FAM161A: variants seen among roughly 807,000 people sequenced by gnomAD.
FAM161A encodes the protein FAM161 centrosomal protein A.
Under a neutral mutation model 70.9 loss-of-function variants are expected in FAM161A, and 57 were observed. The ratio of observed to expected loss-of-function variants is 0.80; its 90% confidence interval spans 0.65 to 1.00. The LOEUF (loss-of-function observed/expected upper bound fraction) is 1.00. FAM161A is among the 50% of genes least tolerant of loss of function. FAM161A has a pLI of 0.00. For missense variants in FAM161A, 880 were observed against 836.0 expected, an observed-to-expected ratio of 1.05 and a Z score of -0.65; for synonymous variants, 299 against 295.7, an observed-to-expected ratio of 1.01 and a Z score of -0.12.
the FAM161A span, among the ~76,000 whole-genome samples, chr2:61,800,847 G>A: frequency 6.6e-6 from 1 of 152,064 alleles, no homozygotes; most frequent in Admixed American, 6.5e-5. Flanking sequence ...TCTGTCACCA[G>A]GATGGGAGTG....
At chr2:61,838,236 T>A (rs564904085) in intron 4 of FAM161A, among the ~76,000 whole-genome samples, 2 of 152,166 alleles carry the variant, frequency 1.3e-5, no homozygotes, top group African/African-American at 4.8e-5. Flanking sequence ...CAATCAAAAA[T>A]AATATAAAGA....
At chr2:61,827,023 T>C in intron 6 of FAM161A, 81 bp downstream of exon 6, 2 of 1,346,920 alleles carry the variant, frequency 1.5e-6, no homozygotes, top group Non-Finnish European at 1.0e-6. Flanking sequence ...GAACAAAAAA[T>C]ATACATAGTA....
the FAM161A span, among the ~76,000 whole-genome samples, chr2:61,804,208 T>A: frequency 3.3e-5 from 5 of 152,194 alleles, no homozygotes; most frequent in Non-Finnish European, 5.9e-5. Context: ...CAGAGGTTAC[T>A]CTCGTGGCCA....
intron 4 of FAM161A, 184 bp from the exon 5 acceptor site, chr2:61,836,293 C>T (rs375299318): frequency 6.2e-5 from 35 of 567,510 alleles, no homozygotes; most frequent in Middle Eastern, 4.9e-4. Flanking sequence ...TCTTCTATAC[C>T]GGTTAATTCT....
chr2:61,822,756 C>A (rs1672229760), downstream of FAM161A, among the ~76,000 whole-genome samples: 1 of 151,806 alleles, frequency 6.6e-6, no homozygotes, highest in Non-Finnish European at 1.5e-5. Flanking sequence ...TTGGCTAATT[C>A]TTTTTGTATT....
chr2:61,806,783 C>A, the FAM161A span, among the ~76,000 whole-genome samples: 2 of 148,916 alleles, frequency 1.3e-5, no homozygotes, highest in Non-Finnish European at 3.0e-5. Context: ...AGCTCCGCCT[C>A]CGGGGTTCAC....
the FAM161A span, among the ~76,000 whole-genome samples, chr2:61,809,607 G>C: frequency 2.0e-5 from 3 of 152,294 alleles, no homozygotes; most frequent in East Asian, 5.8e-4. Flanking sequence ...GGAATTTGGG[G>C]GTTGGGGGAG....
the FAM161A span, among the ~76,000 whole-genome samples, chr2:61,802,577 G>C: frequency 6.6e-6 from 1 of 152,122 alleles, no homozygotes; most frequent in African/African-American, 2.4e-5. Flanking sequence ...AAAAGAAATA[G>C]AAGTAAGTGG....
At position 61,826,201 on chromosome 2, in the gene FAM161A, C is replaced by G. The variant is rs952754899; in HGVS notation, c.*254G>C. On this transcript the variant is annotated 3_prime_UTR_variant, in exon 7 of 7. Transcript: ENST00000404929. ...CAGTTTGTGACAGCTGTGGTTCTCACTTTTTAAAAATACAAAATCATAGTT... is the reference window on the plus strand; with the variant it reads ...CAGTTTGTGACAGCTGTGGTTCTCAGTTTTTAAAAATACAAAATCATAGTT... The G allele has an allele frequency of 1.6e-6, 1 of 615,190 alleles. No individual in the cohort carries two copies. The highest frequency in any genetic ancestry group is 3.4e-5 in the East Asian group (1 of 29,354). 38.1% of individuals were successfully genotyped at this position (615,190 alleles called of 1,614,324 possible).
At chr2:61,842,496 T>A (rs980087382) in intron 1 of FAM161A, 136 bp from the exon 2 acceptor site, 2 of 620,142 alleles carry the variant, frequency 3.2e-6, no homozygotes, top group Non-Finnish European at 5.7e-6. Context: ...GCATATAGAA[T>A]GAGTTATAGG....
Position 61,824,969 on chromosome 2 carries a change from TATA to T in FAM161A, c.*1483_*1485del. 2 of 453,216 alleles carry T rather than the reference TATA, an allele frequency of 4.4e-6. No individual in the cohort carries two copies. The highest frequency in any genetic ancestry group is 4.4e-6 in the Non-Finnish European group (1 of 226,614). The allele number at this position is 453,216 out of a possible 1,614,324, so 28.1% of individuals were successfully genotyped here. A position where few individuals can be genotyped will look rare whatever the true frequency, so the allele number is the denominator to read the frequency against. ...GTGCCAAATCCCAAGGAGTTTACAA[TATA>T]ATAATAGTAAAAAGTAATTTAACAC... is the stretch of plus-strand genomic sequence containing the variant. On this transcript the variant is annotated 3_prime_UTR_variant, in exon 7 of 7. Transcript: ENST00000404929.
chr2:61,826,595 T>G lies in FAM161A; in HGVS notation c.2011A>C (p.Asn671His), dbSNP rs370603613. Residue 671 changes from asparagine (N) to histidine (H), a missense_variant, in exon 7 of 7, where the codon AAT becomes CAT. Asn to His is a moderately conservative substitution (Grantham distance 68, BLOSUM62 1). Coordinates refer to ENST00000404929, the MANE Select transcript of FAM161A (RefSeq NM_001201543.2). ...KSVTEDKESF[N>H]EEEKIEEREN... ...CTTTCTTCTATTTTTTCTTCTTCAT[T>G]AAAGCTAGGGGAAGAAATTTATCAA... 3 of 1,600,762 alleles carry G rather than the reference T, an allele frequency of 1.9e-6. No homozygotes were observed. Among genetic ancestry groups the G allele is most frequent in the Non-Finnish European group, 2.6e-6 (3 of 1,170,532 alleles).
At chr2:61,838,884 A>ATTTTTTT (rs749935817) in intron 3 of FAM161A, among the ~76,000 whole-genome samples, 179 bp from the exon 4 acceptor site, 7 of 133,684 alleles carry the variant, frequency 5.2e-5, no homozygotes, top group African/African-American at 2.0e-4. Context: ...TTATTTATTT[A>ATTTTTTT]TTTATTTATT....
chr2:61,806,758 T>C, the FAM161A span, among the ~76,000 whole-genome samples: 2 of 129,322 alleles, frequency 1.5e-5, no homozygotes, highest in Non-Finnish European at 3.1e-5. Flanking sequence ...AGTGGCGCCA[T>C]CTCGGCTCAC....
chr2:61,807,552 C>A, the FAM161A span, among the ~76,000 whole-genome samples: 19 of 150,984 alleles, frequency 1.3e-4, no homozygotes, highest in African/African-American at 4.6e-4. Context: ...TGGGCCAATC[C>A]CAAAATAGGC....
At chr2:61,827,060 A>C in intron 6 of FAM161A, 44 bp downstream of exon 6, 1 of 1,598,680 alleles carries the variant, frequency 6.3e-7, no homozygotes, top group Non-Finnish European at 8.6e-7. Flanking sequence ...TGCAGGTAAT[A>C]ATTTTTTCAA....
downstream of FAM161A, among the ~76,000 whole-genome samples, chr2:61,823,027 A>T (rs1672238180): frequency 1.3e-5 from 2 of 151,846 alleles, no homozygotes. Context: ...TTGTTTTATT[A>T]TGTAGACTAA....
chr2:61,826,168 T>A lies in FAM161A; in HGVS notation c.*287A>T, dbSNP rs1426430309. Reference sequence around the variant, plus strand: ...ATTAATGAAATAATGTATATTTTTATAACTAATCAGTTTGTGACAGCTGTG... The same window carrying A: ...ATTAATGAAATAATGTATATTTTTAAAACTAATCAGTTTGTGACAGCTGTG... On this transcript the variant is annotated 3_prime_UTR_variant, in exon 7 of 7. Transcript: ENST00000404929. 2 of 559,628 alleles carry A rather than the reference T, an allele frequency of 3.6e-6. No individual in the cohort carries two copies. The highest frequency in any genetic ancestry group is 4.4e-5 in the Admixed American group (2 of 45,862). The allele number at this position is 559,628 out of a possible 1,614,324, so 34.7% of individuals were successfully genotyped here.
In FAM161A at chr2:61,842,008, G is replaced by A. The variant is rs186907896; in HGVS notation, c.422+114C>T. ...GAATAAAATCCTACCTCTGTATATC[G>A]TTGGGAGTACAAAGGGCTATTTAAG... On this transcript the variant is annotated intron_variant, in intron 2 of 6. Coordinates refer to ENST00000404929, the MANE Select transcript of FAM161A (RefSeq NM_001201543.2). 2.4e-4 allele frequency: 184 copies of A among 758,944 alleles called. 1 individual carries two copies. The African/African-American group carries it at 2.5e-3, about 10-fold the overall frequency. The allele number at this position is 758,944 out of a possible 1,614,324, so 47.0% of individuals were successfully genotyped here. A position where few individuals can be genotyped will look rare whatever the true frequency, so the allele number is the denominator to read the frequency against.
Sources: gnomAD v4.1 joint callset for allele counts (sites outside exome capture counted in the v4.1 genomes callset) on GRCh38, gnomAD v4.1.1 for gene constraint, MANE v1.5 for transcripts, NCBI Gene and HGNC (gene_info 2026-07-23, HGNC 2026-07-21) for gene names.